MFN1: variants seen among roughly 807,000 people sequenced by gnomAD.
MFN1 encodes the protein mitofusin 1, also known as mitofusin-1.
In MFN1, 65 loss-of-function variants were observed where a neutral mutation model predicts 92.4. The ratio of observed to expected loss-of-function variants is 0.70; its 90% confidence interval spans 0.58 to 0.86. MFN1 has a LOEUF of 0.86. Ranked by LOEUF, MFN1 falls within the 40% of genes least tolerant of loss-of-function variation. MFN1 has a pLI of 0.00. For synonymous variants in MFN1, 297 were observed against 300.9 expected (o/e 0.99, Z 0.13); for missense variants, 781 against 868.0 (o/e 0.90, Z 1.26).
chr3:179,354,495 G>A (rs955484184), intron 3 of MFN1, among the ~76,000 whole-genome samples: 17 of 152,128 alleles, frequency 1.1e-4, no homozygotes, highest in Non-Finnish European at 2.5e-4. Context: ...TGAGAACAGG[G>A]GTAGGAGGCA....
chr3:179,377,727 A>G (rs1446868802), intron 12 of MFN1, among the ~76,000 whole-genome samples: 1 of 152,158 alleles, frequency 6.6e-6, no homozygotes, highest in East Asian at 1.9e-4. Context: ...TGGGCCCCAG[A>G]GTTCGAGACC....
intron 4 of MFN1, 151 bp from the exon 5 acceptor site, chr3:179,362,207 T>C (rs111653503): frequency 3.2e-5 from 23 of 723,498 alleles, no homozygotes; most frequent in African/African-American, 2.6e-4. Context: ...AATTTAAAAA[T>C]TCAGGTTCTC....
In MFN1 at chr3:179,394,651, G is replaced by A. The variant is rs1303777125; in HGVS notation, c.*2592G>A. ...AGGATGGTCTCGATCTCCTGACCTCGTGATCCACCCGCCTCGGCCTCCCAA... is the reference window on the plus strand; with the variant it reads ...AGGATGGTCTCGATCTCCTGACCTCATGATCCACCCGCCTCGGCCTCCCAA... On this transcript the variant is annotated 3_prime_UTR_variant, in exon 18 of 18. Coordinates refer to ENST00000471841, the MANE Select transcript of MFN1 (RefSeq NM_033540.3). 3.3e-5 allele frequency: 5 copies of A among 151,862 alleles called. No homozygotes were observed. Among genetic ancestry groups the A allele is most frequent in the African/African-American group, 1.2e-4 (5 of 41,348 alleles). The allele number at this position is 151,862 out of a possible 1,614,324, so 9.4% of individuals were successfully genotyped here.
chr3:179,389,905 GT>G (rs1402234376), intron 16 of MFN1, 98 bp from the exon 17 acceptor site: 4 of 1,172,408 alleles, frequency 3.4e-6, no homozygotes, highest in Non-Finnish European at 4.9e-6. Flanking sequence ...TAGTTTAGAA[GT>G]TTTTTAAAAC....
intron 3 of MFN1, among the ~76,000 whole-genome samples, chr3:179,352,370 C>T (rs1244589373): frequency 6.6e-6 from 1 of 152,156 alleles, no homozygotes; most frequent in Non-Finnish European, 1.5e-5. Flanking sequence ...GTTTCAGAAG[C>T]TAGGATGAAA....
intron 6 of MFN1, 104 bp downstream of exon 6, chr3:179,364,509 T>G: frequency 1.1e-6 from 1 of 886,308 alleles, no homozygotes; most frequent in Admixed American, 2.4e-5. Flanking sequence ...TAGAAAAAAC[T>G]TCTAAAAACA....
intron 16 of MFN1, among the ~76,000 whole-genome samples, chr3:179,387,481 G>A (rs1300886695): frequency 6.6e-6 from 1 of 151,934 alleles, no homozygotes; most frequent in African/African-American, 2.4e-5. Context: ...GGAAGGCAGA[G>A]GTTGTAGTGA....
chr3:179,355,645 A>AAATG (rs1712319286), intron 3 of MFN1, among the ~76,000 whole-genome samples: 1 of 152,104 alleles, frequency 6.6e-6, no homozygotes, highest in African/African-American at 2.4e-5. Context: ...AGGAAGAGGG[A>AAATG]CTATCCATGG....
At chr3:179,376,608 C>A (rs1713250720) in intron 10 of MFN1, among the ~76,000 whole-genome samples, 1 of 152,114 alleles carries the variant, frequency 6.6e-6, no homozygotes, top group Non-Finnish European at 1.5e-5. Context: ...CTCATTTCTA[C>A]AGTTTTAGAG....
rs749454460 is a variant in MFN1 at position 179,365,100 on chromosome 3, GT to G, written c.646-10del. The G allele has an allele frequency of 1.9e-4, 271 of 1,391,268 alleles. No homozygotes were observed. The highest frequency in any genetic ancestry group is 6.2e-4 in the Middle Eastern group (3 of 4,862). 86.2% of individuals were successfully genotyped at this position (1,391,268 alleles called of 1,614,324 possible). On this transcript the variant is annotated splice_polypyrimidine_tract_variant and intron_variant, in intron 6 of 17. Coordinates refer to ENST00000471841, the MANE Select transcript of MFN1 (RefSeq NM_033540.3). ...TAAATTATAGTGAATGTACTGTGGG[GT>G]TTTTTTTGTTTTTCAGGAAAAACAC... is the stretch of plus-strand genomic sequence containing the variant.
At chr3:179,383,793 C>T (rs1289154390) in intron 14 of MFN1, among the ~76,000 whole-genome samples, 2 of 152,022 alleles carry the variant, frequency 1.3e-5, no homozygotes, top group African/African-American at 4.8e-5. Flanking sequence ...ATGTGAAGGA[C>T]CTCTTCAAGG....
rs1426444117 is a variant in MFN1, at chr3:179,358,881, G to C, written c.290G>C (p.Trp97Ser). The change falls in exon 4 of 18, where the codon TGG (tryptophan) becomes TCG (serine). Residue 97 changes from tryptophan to serine, a missense_variant. Trp to Ser is a radical substitution (Grantham distance 177). Transcript: ENST00000471841. Reference protein sequence around the residue: ...GKSSVINAMLWDKVLPSGIGH... With the variant: ...GKSSVINAMLSDKVLPSGIGH... ...AGCTCTGTTATCAATGCAATGTTGT[G>C]GGATAAAGTTCTCCCTAGTGGGATT... The C allele has an allele frequency of 1.9e-6, 3 of 1,613,770 alleles. No homozygotes were observed. In the African/African-American group the frequency reaches 4.0e-5, roughly 22 times the overall value.
Position 179,393,286 on chromosome 3 carries a change from T to G in MFN1, c.*1227T>G, listed in dbSNP as rs978717549. The G allele has an allele frequency of 6.6e-6, 1 of 152,234 alleles. No homozygotes were observed. The highest frequency in any genetic ancestry group is 1.5e-5 in the Non-Finnish European group (1 of 68,036). 9.4% of individuals were successfully genotyped at this position (152,234 alleles called of 1,614,324 possible). On this transcript the variant is annotated 3_prime_UTR_variant, in exon 18 of 18. Transcript: ENST00000471841. ...AAATGACACCATTCTAGGAATTTGC[T>G]AGACAAAATGTAGGACTACCAGATC...
intron 2 of MFN1, 68 bp from the exon 3 acceptor site, chr3:179,351,832 G>T: frequency 6.9e-7 from 1 of 1,443,558 alleles, no homozygotes. Context: ...ACAATCTTAG[G>T]TATTCCATTA....
chr3:179,356,526 T>C (rs1252483937), intron 3 of MFN1, among the ~76,000 whole-genome samples: 2 of 152,120 alleles, frequency 1.3e-5, no homozygotes, highest in Non-Finnish European at 2.9e-5. Flanking sequence ...ACCCAGTTGG[T>C]GTTTGCTGGA....
Position 179,348,920 on chromosome 3 carries a change from C to T in MFN1, c.69C>T (p.Asp23=). The change falls in exon 2 of 18, where the codon GAC becomes GAT. Residue 23 remains aspartate, a synonymous_variant. Coordinates refer to ENST00000471841, the MANE Select transcript of MFN1 (RefSeq NM_033540.3). ...LAKKAITAIF[D]QLLEFVTEGS... Reference sequence around the variant, plus strand: ...AGAAGGCGATTACTGCAATCTTTGACCAGTTACTGGAGTTTGTTACTGAAG... The same window carrying T: ...AGAAGGCGATTACTGCAATCTTTGATCAGTTACTGGAGTTTGTTACTGAAG... 1.2e-6 allele frequency: 2 copies of T among 1,607,120 alleles called. No individual in the cohort carries two copies. The highest frequency in any genetic ancestry group is 1.7e-6 in the Non-Finnish European group (2 of 1,174,322).
At chr3:179,391,810 C>T (rs1179778392) in intron 17 of MFN1, among the ~76,000 whole-genome samples, 171 bp from the exon 18 acceptor site, 1 of 152,182 alleles carries the variant, frequency 6.6e-6, no homozygotes, top group Non-Finnish European at 1.5e-5. Context: ...AATTTGCAAG[C>T]ATAATCATGA....
At position 179,386,630 on chromosome 3, in the gene MFN1, G is replaced by GT. The variant is rs1179955750; in HGVS notation, c.2012+2dup. Reference sequence around the variant, plus strand: ...CAAACTGCAGTCACCAAGTAAAACAGTAAGTTGGAAGGTGCATCTTTCCTT... The same window carrying GT: ...CAAACTGCAGTCACCAAGTAAAACAGTTAAGTTGGAAGGTGCATCTTTCCTT... On this transcript the variant is annotated splice_donor_variant, in intron 16 of 17. Transcript: ENST00000471841. LOFTEE classifies it high-confidence loss of function. 6.2e-7 allele frequency: 1 copy of GT among 1,603,456 alleles called. No homozygotes were observed. Among genetic ancestry groups the GT allele is most frequent in the Admixed American group, 1.8e-5 (1 of 57,040 alleles).
intron 9 of MFN1, among the ~76,000 whole-genome samples, chr3:179,371,816 C>G (rs1335607822): frequency 6.6e-6 from 1 of 151,700 alleles, no homozygotes; most frequent in Admixed American, 6.6e-5. Context: ...AGTATTGTCT[C>G]AATGGTAAAT....
Sources: allele counts gnomAD v4.1 joint callset (sites outside exome capture counted in the v4.1 genomes callset), GRCh38; gene constraint gnomAD v4.1.1; transcripts MANE v1.5; gene names NCBI Gene and HGNC (gene_info 2026-07-23, HGNC 2026-07-21).